ZBED6: variants seen among roughly 807,000 people sequenced by gnomAD.
The protein encoded by ZBED6 is zinc finger BED-type containing 6, also known as zinc finger BED domain-containing protein 6.
Under a neutral mutation model 58.4 loss-of-function variants are expected in ZBED6, and 40 were observed. That is an observed-to-expected ratio of 0.68 (90% CI 0.53 to 0.89). The LOEUF is 0.89. Ranked by LOEUF, ZBED6 falls within the 40% of genes least tolerant of loss-of-function variation. The probability of loss-of-function intolerance (pLI) is 0.00; values close to 1 mark genes in which losing one functional copy is unlikely to be tolerated. For missense variants in ZBED6, 1,057 were observed against 1,003.9 expected (o/e 1.05, Z -0.71); for synonymous variants, 439 against 350.6 (o/e 1.25, Z -2.82).
rs530655172 is a variant in ZBED6 at position 203,848,831 on chromosome 1, A to T, written c.*4322+424A>T. Among the ~76,000 whole-genome samples the T allele has an allele frequency of 9.9e-5, 15 of 152,246 alleles. No individual in the cohort carries two copies. In the East Asian group the frequency reaches 2.7e-3, roughly 27 times the overall value. The stretch of plus-strand genomic sequence containing the variant: ...AAAAGTTGGAAATTTTATTTTTTTT[A>T]AAACTGAACAAACCCTAAAAATATA... On this transcript the variant is annotated intron_variant, in intron 13 of 16. Transcript: ENST00000550078.
exon 1 of ZBED6, chr1:203,799,430 A>T (rs1045837753): frequency 1.4e-6 from 1 of 702,972 alleles, no homozygotes; most frequent in Admixed American, 2.0e-5. Context: ...ACCAACTTCC[A>T]TGGAAGAATT....
chr1:203,831,090 A>G (rs1005057664), intron 7 of ZBED6, among the ~76,000 whole-genome samples: 13 of 151,708 alleles, frequency 8.6e-5, no homozygotes, highest in African/African-American at 3.1e-4. Context: ...GATTACAGGC[A>G]TGCGCCACCA....
At position 203,830,216 on chromosome 1, in the gene ZBED6, GT is replaced by G. The variant is rs752912392; in HGVS notation, c.*3399+17del. On this transcript the variant is annotated intron_variant, in intron 7 of 16. Transcript: ENST00000550078. ...AAGAAGCAAGGTGGTAAGTCATCAC[GT>G]TTTGGCATGGATAGTTGTATGTTGC... 2 of 1,579,858 alleles carry G rather than the reference GT, an allele frequency of 1.3e-6. No homozygotes were observed. The highest frequency in any genetic ancestry group is 4.5e-5 in the East Asian group (2 of 44,746).
intron 15 of ZBED6, 49 bp from the exon 16 acceptor site, chr1:203,851,008 A>G (rs749319665): frequency 8.1e-6 from 13 of 1,595,580 alleles, no homozygotes; most frequent in Non-Finnish European, 1.1e-5. Context: ...AATATGCTCA[A>G]ATTAAAAAGC....
chr1:203,849,833 G>A, exon 14 of ZBED6: 1 of 1,614,020 alleles, frequency 6.2e-7, no homozygotes, highest in South Asian at 1.1e-5. Context: ...CACCTCTTCG[G>A]GGAGATGTAG....
At chr1:203,818,764 A>C in intron 3 of ZBED6, 75 bp downstream of exon 3, 1 of 1,603,766 alleles carries the variant, frequency 6.2e-7, no homozygotes, top group Non-Finnish European at 8.5e-7. Flanking sequence ...TAGGGACAAA[A>C]GTGACTTTTA....
At chr1:203,798,716 A>G (rs1175490896) in exon 1 of ZBED6, 4 of 1,535,944 alleles carry the variant, frequency 2.6e-6, no homozygotes, top group African/African-American at 1.4e-5. Flanking sequence ...AGGAGAGAGA[A>G]ACAACATGTT....
intron 12 of ZBED6, among the ~76,000 whole-genome samples, 192 bp from the exon 13 acceptor site, chr1:203,848,139 T>C (rs1688377994): frequency 6.6e-6 from 1 of 152,212 alleles, no homozygotes; most frequent in Non-Finnish European, 1.5e-5. Flanking sequence ...GTTACAGGTG[T>C]GAGCCACCAT....
chr1:203,833,960 A>G, intron 9 of ZBED6, 107 bp downstream of exon 9: 1 of 1,424,212 alleles, frequency 7.0e-7, no homozygotes, highest in East Asian at 2.5e-5. Flanking sequence ...GTGCCCCTGT[A>G]TTGGCTGAAA....
intron 4 of ZBED6, among the ~76,000 whole-genome samples, chr1:203,828,725 TC>T (rs1681343928): frequency 6.6e-6 from 1 of 152,172 alleles, no homozygotes; most frequent in African/African-American, 2.4e-5. Flanking sequence ...GCAAAACTGG[TC>T]CTCTGCCTGT....
intron 3 of ZBED6, among the ~76,000 whole-genome samples, chr1:203,824,433 G>A (rs953591167): frequency 3.9e-5 from 6 of 152,112 alleles, no homozygotes; most frequent in South Asian, 4.1e-4. Flanking sequence ...CCCCTTCTGT[G>A]TGCAATTCAT....
exon 4 of ZBED6, chr1:203,828,413 C>T: frequency 1.9e-6 from 3 of 1,612,042 alleles, no homozygotes; most frequent in Non-Finnish European, 2.5e-6. Context: ...TTTCCTACCT[C>T]CGAGCAAAAG....
At position 203,810,480 on chromosome 1, in the gene ZBED6, C is replaced by T. The variant is rs143492327; in HGVS notation, c.*2555-6446C>T. Among the ~76,000 whole-genome samples, 226 of 146,116 alleles carry T rather than the reference C, an allele frequency of 1.5e-3. 3 individuals are homozygous for T. The East Asian group carries it at 0.042, about 27-fold the overall frequency. On this transcript the variant is annotated intron_variant, in intron 1 of 16. Transcript: ENST00000550078. ...TGTCGCCCAGGCTAGAGTGCAGTGG[C>T]GCGATCTCAGCTCACTGCAACCTGC...
At chr1:203,835,694 CT>C in intron 9 of ZBED6, 1 of 251,514 alleles carries the variant, frequency 4.0e-6, no homozygotes, top group Non-Finnish European at 8.6e-6. Flanking sequence ...CTTGAGTTAC[CT>C]TTCCCCAGAT....
At chr1:203,815,411 G>T in intron 1 of ZBED6, among the ~76,000 whole-genome samples, 1 of 142,134 alleles carries the variant, frequency 7.0e-6, no homozygotes, top group Non-Finnish European at 1.5e-5. Context: ...AAGAGATGGG[G>T]TTTTGCCATG....
chr1:203,830,018 GT>G, intron 6 of ZBED6, 104 bp from the exon 7 acceptor site: 1 of 1,310,084 alleles, frequency 7.6e-7, no homozygotes, highest in Non-Finnish European at 1.1e-6. Context: ...CCTATACTTA[GT>G]TTCTGTTGAT....
At position 203,828,407 on chromosome 1, in the gene ZBED6, C is replaced by T. The variant is rs145869986; in HGVS notation, c.*2982C>T. 96 of 1,612,652 alleles carry T rather than the reference C, an allele frequency of 6.0e-5. No homozygotes were observed. In the African/African-American group the frequency reaches 1.1e-3, roughly 18 times the overall value. ...AGGACGATATGTTGATGGCCTTTTC[C>T]TACCTCCGAGCAAAAGTGAGATCAG... On this transcript the variant is annotated 3_prime_UTR_variant, in exon 4 of 17. Coordinates refer to ENST00000550078, the Ensembl canonical transcript of ZBED6.
At chr1:203,817,084 G>A (rs1260470855) in exon 2 of ZBED6, 1 of 1,608,986 alleles carries the variant, frequency 6.2e-7, no homozygotes, top group African/African-American at 1.3e-5. Context: ...CCTAATCAAG[G>A]AGAAGACTGC....
At chr1:203,842,605 G>A (rs1419080383) in intron 11 of ZBED6, among the ~76,000 whole-genome samples, 1 of 148,544 alleles carries the variant, frequency 6.7e-6, no homozygotes, top group East Asian at 1.9e-4. Context: ...ACCGGGGAGA[G>A]GGGGAGGGGG....
Sources: allele counts gnomAD v4.1 joint callset (sites outside exome capture counted in the v4.1 genomes callset), GRCh38; gene constraint gnomAD v4.1.1; transcripts MANE v1.5; gene names NCBI Gene and HGNC (gene_info 2026-07-23, HGNC 2026-07-21).